The following DLG2 variants were observed in gnomAD, a reference collection of about 807,000 sequenced individuals.
The protein encoded by DLG2 is discs large MAGUK scaffold protein 2.
In DLG2, 45 loss-of-function variants were observed where a neutral mutation model predicts 132.5. The ratio of observed to expected loss-of-function variants is 0.34; its 90% CI spans 0.27 to 0.44. The LOEUF (loss-of-function observed/expected upper bound fraction) is 0.44. DLG2 is among the 20% of genes least tolerant of loss of function. The probability of loss-of-function intolerance (pLI) is 1.00; values close to 1 mark genes in which losing one functional copy is unlikely to be tolerated. For missense variants in DLG2, 1,045 were observed against 1,196.9 expected (o/e 0.87, Z 1.87); for synonymous variants, 424 against 419.6 (o/e 1.01, Z -0.13).
chr11:83,644,918 C>T (rs1255296958), intron 18 of DLG2, among the ~76,000 whole-genome samples: 4 of 151,964 alleles, frequency 2.6e-5, no homozygotes, highest in Admixed American at 1.3e-4. Flanking sequence ...ACCTCTAAAA[C>T]AAAGATATTA....
intron 7 of DLG2, among the ~76,000 whole-genome samples, chr11:84,497,771 A>G (rs1240294691): frequency 1.3e-5 from 2 of 152,198 alleles, no homozygotes; most frequent in African/African-American, 4.8e-5. Context: ...TATCAATGAC[A>G]TTCACATGCC....
intron 3 of DLG2, among the ~76,000 whole-genome samples, chr11:85,474,648 T>G (rs1311643451): frequency 6.6e-6 from 1 of 151,916 alleles, no homozygotes; most frequent in African/African-American, 2.4e-5. Context: ...AATAGACCTT[T>G]CAGCAATAAT....
At chr11:84,274,326 G>C (rs953703382) in intron 7 of DLG2, among the ~76,000 whole-genome samples, 1 of 152,120 alleles carries the variant, frequency 6.6e-6, no homozygotes, top group Non-Finnish European at 1.5e-5. Context: ...CGTACTCTAA[G>C]GGCTGGTTGC....
At chr11:85,116,434 T>C (rs959425997) in intron 5 of DLG2, among the ~76,000 whole-genome samples, 2 of 151,976 alleles carry the variant, frequency 1.3e-5, no homozygotes, top group Admixed American at 1.3e-4. Context: ...TGTATGTATC[T>C]ACATACACAT....
intron 14 of DLG2, among the ~76,000 whole-genome samples, chr11:83,956,075 G>C (rs1276641614): frequency 6.6e-6 from 1 of 152,036 alleles, no homozygotes; most frequent in African/African-American, 2.4e-5. Context: ...TATTCCTCCA[G>C]CGAACCCTGA....
intron 5 of DLG2, among the ~76,000 whole-genome samples, chr11:85,149,657 A>G (rs1277519086): frequency 6.6e-6 from 1 of 152,200 alleles, no homozygotes; most frequent in Non-Finnish European, 1.5e-5. Flanking sequence ...CTAAATACAG[A>G]TGTATTCAAT....
intron 6 of DLG2, among the ~76,000 whole-genome samples, chr11:84,836,655 C>T (rs2079825118): frequency 6.6e-6 from 1 of 151,738 alleles, no homozygotes; most frequent in Admixed American, 6.6e-5. Flanking sequence ...ATCTTACAGG[C>T]AAAGTATACA....
At chr11:85,227,047 C>A (rs191563898) in intron 4 of DLG2, among the ~76,000 whole-genome samples, 17 of 152,178 alleles carry the variant, frequency 1.1e-4, no homozygotes, top group Admixed American at 9.2e-4. Flanking sequence ...AGGGTCAGAG[C>A]AGGAATGACT....
At chr11:84,574,582 A>G (rs773384117) in intron 6 of DLG2, among the ~76,000 whole-genome samples, 4 of 152,192 alleles carry the variant, frequency 2.6e-5, no homozygotes, top group Admixed American at 6.5e-5. Context: ...AATGTTGTCT[A>G]TAATGATCTT....
chr11:84,732,549 C>T (rs2063284932), intron 6 of DLG2, among the ~76,000 whole-genome samples: 1 of 151,702 alleles, frequency 6.6e-6, no homozygotes, highest in African/African-American at 2.4e-5. Context: ...TGGTTTTTTT[C>T]CCTGCTATCT....
chr11:83,873,497 T>C (rs1376722824), intron 16 of DLG2, among the ~76,000 whole-genome samples: 1 of 152,178 alleles, frequency 6.6e-6, no homozygotes, highest in African/African-American at 2.4e-5. Flanking sequence ...GCTCTCATTC[T>C]CTTTCTTGCT....
intron 10 of DLG2, among the ~76,000 whole-genome samples, chr11:84,079,442 C>T (rs2096873636): frequency 6.6e-6 from 1 of 152,074 alleles, no homozygotes; most frequent in South Asian, 2.1e-4. Flanking sequence ...TGCTGCCATG[C>T]CCAGCTAATT....
At chr11:85,366,421 C>G (rs566520886) in intron 3 of DLG2, among the ~76,000 whole-genome samples, 2 of 151,974 alleles carry the variant, frequency 1.3e-5, no homozygotes, top group African/African-American at 4.8e-5. Context: ...AAGCCAGACT[C>G]AAAAACAAAA....
chr11:83,743,787 T>C (rs2092715486), intron 18 of DLG2, among the ~76,000 whole-genome samples: 1 of 152,042 alleles, frequency 6.6e-6, no homozygotes. Context: ...CTATAAATTG[T>C]AGACAAAAAA....
intron 6 of DLG2, among the ~76,000 whole-genome samples, chr11:84,692,959 G>T (rs1173648924): frequency 6.6e-6 from 1 of 151,734 alleles, no homozygotes; most frequent in Non-Finnish European, 1.5e-5. Flanking sequence ...TATATAACTT[G>T]CTGAAAGCCA....
chr11:84,730,096 C>A (rs938738063), intron 6 of DLG2, among the ~76,000 whole-genome samples: 2 of 151,932 alleles, frequency 1.3e-5, no homozygotes, highest in African/African-American at 4.8e-5. Context: ...TTCTTAGTGG[C>A]AAAATTCAAA....
At chr11:85,236,498 T>C (rs962176924) in intron 4 of DLG2, among the ~76,000 whole-genome samples, 4 of 151,972 alleles carry the variant, frequency 2.6e-5, no homozygotes, top group Non-Finnish European at 5.9e-5. Flanking sequence ...ACCAGTCATA[T>C]TGAATGAGGG....
At chr11:83,798,510 T>C (rs1489623430) in intron 17 of DLG2, among the ~76,000 whole-genome samples, 2 of 152,092 alleles carry the variant, frequency 1.3e-5, no homozygotes, top group Non-Finnish European at 2.9e-5. Flanking sequence ...AGGATAAAAG[T>C]AGGTAAGAAC....
intron 4 of DLG2, among the ~76,000 whole-genome samples, chr11:85,193,743 T>G (rs2080812662): frequency 6.6e-6 from 1 of 152,266 alleles, no homozygotes; most frequent in Admixed American, 6.5e-5. Context: ...TATTGTTGAC[T>G]TGTAAGAGTT....
Sources: gnomAD v4.1 joint callset for allele counts (sites outside exome capture counted in the v4.1 genomes callset) on GRCh38, gnomAD v4.1.1 for gene constraint, MANE v1.5 for transcripts, NCBI Gene and HGNC (gene_info 2026-07-23, HGNC 2026-07-21) for gene names.